CPA1: variants seen among roughly 807,000 people sequenced by gnomAD.
The protein encoded by CPA1 is carboxypeptidase A1 (pancreatic).
A neutral mutation model predicts 48.7 loss-of-function variants in CPA1; 42 were observed. The ratio of observed to expected loss-of-function variants is 0.86; its 90% CI spans 0.67 to 1.11. The LOEUF is 1.11. CPA1 is among the 50% of genes most tolerant of loss of function. CPA1 has a pLI of 0.00. For synonymous variants in CPA1, 203 were observed against 217.9 expected, an observed-to-expected ratio of 0.93 and a Z score of 0.60; for missense variants, 477 against 544.7, an observed-to-expected ratio of 0.88 and a Z score of 1.24.
At chr7:130,385,694 GC>G in intron 8 of CPA1, 144 bp from the exon 9 acceptor site, 1 of 659,758 alleles carries the variant, frequency 1.5e-6, no homozygotes, top group East Asian at 2.7e-5. Flanking sequence ...GAGCTTCCAG[GC>G]TAAGCAGGCT....
At chr7:130,381,282 G>A (rs1796400622) in intron 2 of CPA1, 103 bp downstream of exon 2, 3 of 757,672 alleles carry the variant, frequency 4.0e-6, no homozygotes, top group East Asian at 5.4e-5. Context: ...CACCCAACAA[G>A]GAGACATGGA....
chr7:130,384,174 TA>T, intron 6 of CPA1: 1 of 419,656 alleles, frequency 2.4e-6, no homozygotes. Flanking sequence ...CTTCTATTTT[TA>T]CGGCAAATAA....
rs782313960 is a variant in CPA1 at position 130,385,946 on chromosome 7, T to C, written c.1072+23T>C. On this transcript the variant is annotated intron_variant, in intron 9 of 9. Coordinates refer to ENST00000011292, the MANE Select transcript of CPA1 (RefSeq NM_001868.4). ...TTTGTAAGTGGCCGTAGGGTCTCTC[T>C]TGATGGGCCTGCGAGGAACATCTGC... 3.1e-6 allele frequency: 5 copies of C among 1,588,028 alleles called. No homozygotes were observed. In the South Asian group the frequency reaches 5.5e-5, roughly 18 times the overall value.
Position 130,381,196 on chromosome 7 carries a change from A to C in CPA1, c.147+17A>C. 1.9e-5 allele frequency: 30 copies of C among 1,597,322 alleles called. No homozygotes were observed. The highest frequency in any genetic ancestry group is 2.6e-5 in the Non-Finnish European group (30 of 1,166,938). On this transcript the variant is annotated intron_variant, in intron 2 of 9. Transcript: ENST00000011292. ...CACCTGCAGGTCAGAAGAGGGGAGA[A>C]GGGCTCTCTGAGGCCCCAGGGTATC...
At chr7:130,380,782 G>A in intron 1 of CPA1, 197 bp downstream of exon 1, 1 of 544,178 alleles carries the variant, frequency 1.8e-6, no homozygotes, top group Non-Finnish European at 3.2e-6. Flanking sequence ...CCTGAGCCCT[G>A]GAGAAACCTG....
chr7:130,385,399 C>A, intron 8 of CPA1, 54 bp downstream of exon 8: 1 of 1,519,250 alleles, frequency 6.6e-7, no homozygotes, highest in Non-Finnish European at 9.1e-7. Context: ...TCGGACAGGC[C>A]CAGGCTTTCC....
intron 8 of CPA1, 56 bp downstream of exon 8, chr7:130,385,401 A>G: frequency 6.6e-7 from 1 of 1,521,760 alleles, no homozygotes; most frequent in Non-Finnish European, 9.1e-7. Flanking sequence ...GGACAGGCCC[A>G]GGCTTTCCCC....
Position 130,383,746 on chromosome 7 carries a change from C to T in CPA1, c.648C>T (p.Phe216=), listed in dbSNP as rs782055370. ...CCATTCTCGACACCTTGGACATCTT[C>T]CTGGAGATCGTCACCAACCCTGATG... ...FTAILDTLDI[F]LEIVTNPDGF... Residue 216 remains phenylalanine, a synonymous_variant, in exon 6 of 10, where the codon TTC becomes TTT. Coordinates refer to ENST00000011292, the MANE Select transcript of CPA1 (RefSeq NM_001868.4). The T allele has an allele frequency of 1.2e-6, 2 of 1,614,092 alleles. No individual in the cohort carries two copies. The highest frequency in any genetic ancestry group is 4.5e-5 in the East Asian group (2 of 44,890).
Position 130,385,799 on chromosome 7 carries a change from C to G in CPA1, c.988-40C>G, listed in dbSNP as rs782755333. 7.7e-6 allele frequency: 12 copies of G among 1,555,120 alleles called. No individual in the cohort carries two copies. The Admixed American group carries it at 1.5e-4, about 20-fold the overall frequency. On this transcript the variant is annotated intron_variant, in intron 8 of 9. Transcript: ENST00000011292. ...TACCCTGGACATGCTGTTCCAGGAG[C>G]CTGGCCATGACAGGTGGCTTTGCTT... is the stretch of plus-strand genomic sequence containing the variant.
chr7:130,384,495 C>T (rs1796447142), intron 6 of CPA1, 41 bp from the exon 7 acceptor site: 1 of 1,567,282 alleles, frequency 6.4e-7, no homozygotes, highest in South Asian at 1.1e-5. Context: ...TGACAAGCGT[C>T]ACACGTGCCT....
chr7:130,384,549 G>T lies in CPA1; in HGVS notation c.710G>T (p.Arg237Leu). ...TTCCTTCCTCAGAATCGCATGTGGC[G>T]CAAGACTCGGTCCCACACAGCAGGC... ...AFTHSTNRMWRKTRSHTAGSL... is the reference protein window; with the variant it reads ...AFTHSTNRMWLKTRSHTAGSL... The change falls in exon 7 of 10, where the codon CGC becomes CTC. Residue 237 changes from arginine to leucine, a missense_variant. Arg to Leu is a moderately radical substitution (Grantham distance 102, BLOSUM62 -2). Transcript: ENST00000011292. 1.9e-6 allele frequency: 3 copies of T among 1,614,154 alleles called. No individual in the cohort carries two copies. The highest frequency in any genetic ancestry group is 2.5e-6 in the Non-Finnish European group (3 of 1,180,006).
chr7:130,385,792 C>A, intron 8 of CPA1, 47 bp from the exon 9 acceptor site: 2 of 1,518,768 alleles, frequency 1.3e-6, no homozygotes, highest in South Asian at 1.1e-5. Flanking sequence ...ACATGCTGTT[C>A]CAGGAGCCTG....
In CPA1 at chr7:130,384,516, G is replaced by C; in HGVS notation, c.697-20G>C. 2 of 1,611,352 alleles carry C rather than the reference G, an allele frequency of 1.2e-6. No individual in the cohort carries two copies. On this transcript the variant is annotated intron_variant, in intron 6 of 9. Transcript: ENST00000011292. ...GCGTCACACGTGCCTCGGGGTGGCT[G>C]ATCCCATTTCCTTCCTCAGAATCGC...
chr7:130,384,526 C>T lies in CPA1; in HGVS notation c.697-10C>T. 2 of 1,613,738 alleles carry T rather than the reference C, an allele frequency of 1.2e-6. No homozygotes were observed. The highest frequency in any genetic ancestry group is 1.7e-6 in the Non-Finnish European group (2 of 1,179,660). On this transcript the variant is annotated splice_polypyrimidine_tract_variant and intron_variant, in intron 6 of 9. Coordinates refer to ENST00000011292, the MANE Select transcript of CPA1 (RefSeq NM_001868.4). Reference sequence around the variant, plus strand: ...TGCCTCGGGGTGGCTGATCCCATTTCCTTCCTCAGAATCGCATGTGGCGCA... The same window carrying T: ...TGCCTCGGGGTGGCTGATCCCATTTTCTTCCTCAGAATCGCATGTGGCGCA...
Position 130,381,645 on chromosome 7 carries a change from G to C in CPA1, c.163G>C (p.Gly55Arg). Reference protein sequence around the residue: ...LEHLQLDFWRGPAHPGSPIDV... With the variant: ...LEHLQLDFWRRPAHPGSPIDV... ...TCCTCCCCAGCTGGACTTCTGGCGGGGGCCTGCCCACCCTGGCTCCCCCAT... is the reference window on the plus strand; with the variant it reads ...TCCTCCCCAGCTGGACTTCTGGCGGCGGCCTGCCCACCCTGGCTCCCCCAT... Residue 55 changes from glycine (G) to arginine (R), a missense_variant, in exon 3 of 10, where the codon GGG (glycine) becomes CGG (arginine). Coordinates refer to ENST00000011292, the MANE Select transcript of CPA1 (RefSeq NM_001868.4). 6.2e-7 allele frequency: 1 copy of C among 1,613,648 alleles called. No homozygotes were observed. The highest frequency in any genetic ancestry group is 8.5e-7 in the Non-Finnish European group (1 of 1,179,864).
Position 130,382,143 on chromosome 7 carries a change from C to T in CPA1, c.417C>T (p.Asn139=). Residue 139 remains asparagine (N), a synonymous_variant, in exon 4 of 10, where the codon AAC becomes AAT. Transcript: ENST00000011292. ...YDFLDLLVAE[N]PHLVSKIQIG... ...TCCTGGACCTGCTGGTGGCGGAGAA[C>T]CCGCACCTTGTCAGCAAGATCCAGA... 1 of 1,614,230 alleles carries T rather than the reference C, an allele frequency of 6.2e-7. No individual in the cohort carries two copies. Among genetic ancestry groups the T allele is most frequent in the Admixed American group, 1.7e-5 (1 of 60,032 alleles).
At chr7:130,382,630 ATTTTT>A (rs34457825) in intron 4 of CPA1, among the ~76,000 whole-genome samples, 10 of 74,360 alleles carry the variant, frequency 1.3e-4, no homozygotes, top group Non-Finnish European at 2.4e-4. Context: ...TGCCCGGGTA[ATTTTT>A]TTTTTTTTTT....
At position 130,387,643 on chromosome 7, in the gene CPA1, C is replaced by A. The variant is rs183165867; in HGVS notation, c.1073-181C>A. 4.3e-3 allele frequency among the ~76,000 whole-genome samples: 655 copies of A among 152,284 alleles called. 7 individuals carry two copies. The highest frequency in any genetic ancestry group is 5.4e-3 in the Non-Finnish European group (370 of 68,030). On this transcript the variant is annotated intron_variant, in intron 9 of 9. Transcript: ENST00000011292. This position sits in a 1 kb window ranked among gnomAD's most constrained non-coding sequence, Gnocchi z 4.6. ...CCTCTTTGGACCTCTTGGCTTAGAC[C>A]TTTTAGTGGGAGTTTCTTGGAAGTG...
chr7:130,386,476 G>A (rs1480586474), intron 9 of CPA1, among the ~76,000 whole-genome samples: 1 of 151,954 alleles, frequency 6.6e-6, no homozygotes, highest in Non-Finnish European at 1.5e-5. Context: ...AGGTTGCAGT[G>A]AGCCAAGAGC....
Sources: gnomAD v4.1 joint callset for allele counts (sites outside exome capture counted in the v4.1 genomes callset) on GRCh38, gnomAD v4.1.1 for gene constraint, Gnocchi (gnomAD v3.1) non-coding constraint, MANE v1.5 for transcripts, NCBI Gene and HGNC (gene_info 2026-07-23, HGNC 2026-07-21) for gene names.